Variants in CNTNAP2 observed in about 807,000 individuals in gnomAD.
The protein encoded by CNTNAP2 is contactin-associated protein-like 2.
Under a neutral mutation model 155.2 loss-of-function variants are expected in CNTNAP2, and 98 were observed. The ratio of observed to expected loss-of-function variants is 0.63; its 90% CI spans 0.54 to 0.75. CNTNAP2 has a LOEUF of 0.75. Among genes scored for constraint, CNTNAP2 ranks in the 30% least tolerant of loss-of-function variants. CNTNAP2 has a pLI of 0.00. For synonymous variants in CNTNAP2, 651 were observed against 631.2 expected (o/e 1.03, Z -0.47); for missense variants, 1,727 against 1,688.1 (o/e 1.02, Z -0.40).
chr7:146,382,449 T>A (rs1241667193), intron 1 of CNTNAP2, among the ~76,000 whole-genome samples: 1 of 152,192 alleles, frequency 6.6e-6, no homozygotes, highest in East Asian at 1.9e-4. Context: ...GATAGAGAAG[T>A]TTGCTTGAAA....
chr7:148,146,236 G>T (rs371310254), intron 16 of CNTNAP2, among the ~76,000 whole-genome samples: 1 of 152,206 alleles, frequency 6.6e-6, no homozygotes, highest in Non-Finnish European at 1.5e-5. Flanking sequence ...GGACAGAGGG[G>T]CTGAATATCT....
chr7:148,176,525 C>A (rs1375535359), intron 18 of CNTNAP2, among the ~76,000 whole-genome samples: 1 of 152,110 alleles, frequency 6.6e-6, no homozygotes, highest in Non-Finnish European at 1.5e-5. Context: ...AGCCCAGAGC[C>A]CTTTTTCAAA....
intron 3 of CNTNAP2, among the ~76,000 whole-genome samples, chr7:146,933,048 A>G (rs1796814803): frequency 6.6e-6 from 1 of 152,144 alleles, no homozygotes; most frequent in Non-Finnish European, 1.5e-5. Flanking sequence ...ATCCCCATCA[A>G]GCTATCAATG....
chr7:147,502,716 A>T (rs1227477813), intron 11 of CNTNAP2, among the ~76,000 whole-genome samples: 1 of 114,730 alleles, frequency 8.7e-6, no homozygotes, highest in African/African-American at 3.3e-5. Flanking sequence ...ATCATTTCAC[A>T]ATGTGTGTGT....
At chr7:147,417,064 A>C (rs997057084) in intron 10 of CNTNAP2, among the ~76,000 whole-genome samples, 40 of 150,018 alleles carry the variant, frequency 2.7e-4, no homozygotes, top group African/African-American at 7.9e-4. Context: ...ACTCCAGCCT[A>C]AGCGACAGAG....
At chr7:146,762,658 A>G (rs1294560828) in intron 1 of CNTNAP2, among the ~76,000 whole-genome samples, 1 of 152,140 alleles carries the variant, frequency 6.6e-6, no homozygotes, top group Non-Finnish European at 1.5e-5. Flanking sequence ...CACACTGCTA[A>G]CAGAGACATG....
At chr7:146,786,588 T>C (rs933429704) in intron 2 of CNTNAP2, among the ~76,000 whole-genome samples, 2 of 152,246 alleles carry the variant, frequency 1.3e-5, no homozygotes, top group African/African-American at 4.8e-5. Flanking sequence ...AAAACTCAGA[T>C]ATATGCTTGA....
intron 13 of CNTNAP2, among the ~76,000 whole-genome samples, chr7:147,651,631 T>A (rs1349370795): frequency 6.6e-6 from 1 of 152,192 alleles, no homozygotes; most frequent in Non-Finnish European, 1.5e-5. Context: ...ATCTTTTCAT[T>A]TCTAATGAAG....
intron 13 of CNTNAP2, among the ~76,000 whole-genome samples, chr7:147,712,716 G>A (rs980547519): frequency 2.0e-5 from 3 of 152,160 alleles, no homozygotes; most frequent in African/African-American, 4.8e-5. Context: ...GACACAGGAA[G>A]GGGAACATCA....
chr7:146,852,544 T>C (rs1367856628), intron 3 of CNTNAP2, among the ~76,000 whole-genome samples: 2 of 152,210 alleles, frequency 1.3e-5, no homozygotes, highest in African/African-American at 4.8e-5. Context: ...CAGTAGTTTA[T>C]TCTGCACTAG....
chr7:146,312,041 A>T (rs1038677512), intron 1 of CNTNAP2, among the ~76,000 whole-genome samples: 13 of 152,148 alleles, frequency 8.5e-5, no homozygotes, highest in African/African-American at 2.9e-4. Flanking sequence ...AGACCGTATC[A>T]TTTCCCCACA....
intron 15 of CNTNAP2, among the ~76,000 whole-genome samples, chr7:148,078,886 C>T (rs1359739608): frequency 1.3e-5 from 2 of 152,142 alleles, no homozygotes; most frequent in Non-Finnish European, 2.9e-5. Context: ...AACATGTTTA[C>T]TTTCTCTCAA....
intron 9 of CNTNAP2, among the ~76,000 whole-genome samples, chr7:147,363,443 C>T (rs182779354): frequency 1.2e-4 from 18 of 152,182 alleles, no homozygotes; most frequent in African/African-American, 3.6e-4. Flanking sequence ...TTTGTCACCC[C>T]GTATAAAGAC....
chr7:148,024,230 T>G (rs1802337716), intron 15 of CNTNAP2, among the ~76,000 whole-genome samples: 1 of 147,234 alleles, frequency 6.8e-6, no homozygotes, highest in Admixed American at 6.8e-5. Context: ...AGATACAGAA[T>G]GAAAAATTCC....
At chr7:147,215,182 A>T (rs1563119462) in intron 8 of CNTNAP2, among the ~76,000 whole-genome samples, 1 of 152,186 alleles carries the variant, frequency 6.6e-6, no homozygotes, top group Non-Finnish European at 1.5e-5. Flanking sequence ...GTTACAATTG[A>T]TGAGCCTATA....
chr7:148,161,432 G>A (rs1805537273), intron 17 of CNTNAP2, among the ~76,000 whole-genome samples: 1 of 152,044 alleles, frequency 6.6e-6, no homozygotes, highest in Admixed American at 6.6e-5. Context: ...CCTGCATTGA[G>A]CTCCTCCTGG....
At chr7:146,845,190 T>G (rs1180997886) in intron 3 of CNTNAP2, among the ~76,000 whole-genome samples, 2 of 152,216 alleles carry the variant, frequency 1.3e-5, no homozygotes, top group African/African-American at 4.8e-5. Context: ...TAGCAAGGCA[T>G]AAGCTGGACC....
intron 2 of CNTNAP2, among the ~76,000 whole-genome samples, chr7:146,781,885 A>G (rs941806011): frequency 2.0e-5 from 3 of 152,174 alleles, no homozygotes; most frequent in Admixed American, 2.0e-4. Context: ...CAGCGCGTCC[A>G]TGAGGGCATT....
chr7:148,151,991 C>G (rs1805305170), intron 17 of CNTNAP2, among the ~76,000 whole-genome samples: 1 of 152,036 alleles, frequency 6.6e-6, no homozygotes, highest in African/African-American at 2.4e-5. Flanking sequence ...CACCTAGGTT[C>G]CGGAAGGAAG....
Sources: allele counts gnomAD v4.1 joint callset (sites outside exome capture counted in the v4.1 genomes callset), GRCh38; gene constraint gnomAD v4.1.1; transcripts MANE v1.5; gene names NCBI Gene and HGNC (gene_info 2026-07-23, HGNC 2026-07-21).